The following PPARD variants were observed in gnomAD, a reference collection of about 807,000 sequenced individuals.
The protein encoded by PPARD is peroxisome proliferator activated receptor delta, also known as peroxisome proliferator-activated receptor delta.
PPARD carries 6 observed loss-of-function variants against 39.5 expected under a neutral mutation model. That is an observed-to-expected ratio of 0.15 (90% CI 0.08 to 0.30). The LOEUF is 0.30. Ranked by LOEUF, PPARD falls within the 10% of genes least tolerant of loss-of-function variation. The pLI is 1.00. For synonymous variants in PPARD, 210 were observed against 231.3 expected (o/e 0.91, Z 0.83); for missense variants, 397 against 596.8 (o/e 0.67, Z 3.49).
rs780125217 is a variant in PPARD at position 35,424,089 on chromosome 6, T to G, written c.568T>G (p.Phe190Val). The G allele has an allele frequency of 6.2e-7, 1 of 1,613,980 alleles. No individual in the cohort carries two copies. Among genetic ancestry groups the G allele is most frequent in the Admixed American group, 1.7e-5 (1 of 60,028 alleles). The change falls in exon 6 of 8, where the codon TTC becomes GTC. Residue 190 changes from phenylalanine to valine, a missense_variant. Coordinates refer to ENST00000360694, the MANE Select transcript of PPARD (RefSeq NM_006238.5). This position sits in a 1 kb window ranked among gnomAD's most constrained non-coding sequence, Gnocchi z 7.1. ...CATCTACAATGCCTACCTGAAAAAC[T>G]TCAACATGACCAAAAAGAAGGCCCG... The part of the protein sequence containing the change: ...KHIYNAYLKN[F>V]NMTKKKARSI...
intron 2 of PPARD, among the ~76,000 whole-genome samples, chr6:35,348,163 C>T (rs1027487020): frequency 5.3e-5 from 8 of 152,208 alleles, no homozygotes; most frequent in African/African-American, 1.9e-4. Flanking sequence ...CCGCCTCAGC[C>T]TCCCAGAGTG....
At chr6:35,408,259 T>G (rs1030133707) in intron 2 of PPARD, among the ~76,000 whole-genome samples, 1 of 152,252 alleles carries the variant, frequency 6.6e-6, no homozygotes, top group African/African-American at 2.4e-5. Flanking sequence ...CTGGTAGATT[T>G]CTGTTCACAT....
Position 35,381,066 on chromosome 6 carries a change from C to G in PPARD, c.-101-29921C>G, listed in dbSNP as rs545750180. Reference sequence around the variant, plus strand: ...TCTCTGCATTCTCCCCTCATCTCCTCTCTTCCGTGCACCTCATTTTCCTGC... The same window carrying G: ...TCTCTGCATTCTCCCCTCATCTCCTGTCTTCCGTGCACCTCATTTTCCTGC... On this transcript the variant is annotated intron_variant, in intron 2 of 7. Coordinates refer to ENST00000360694, the MANE Select transcript of PPARD (RefSeq NM_006238.5). Among the ~76,000 whole-genome samples the G allele has an allele frequency of 2.6e-5, 4 of 151,948 alleles. No homozygotes were observed. The South Asian group carries it at 6.2e-4, about 24-fold the overall frequency.
intron 2 of PPARD, among the ~76,000 whole-genome samples, chr6:35,354,163 C>T (rs1445882745): frequency 3.9e-5 from 5 of 128,394 alleles, no homozygotes; most frequent in Admixed American, 9.2e-5. Context: ...ACCCGGGAGG[C>T]GGAGCTTGCA....
At chr6:35,369,444 G>T (rs1762368583) in intron 2 of PPARD, among the ~76,000 whole-genome samples, 1 of 152,164 alleles carries the variant, frequency 6.6e-6, no homozygotes, top group African/African-American at 2.4e-5. Context: ...CCATTAGCGT[G>T]CATTCCCGCC....
At chr6:35,383,334 C>T (rs918889450) in intron 2 of PPARD, among the ~76,000 whole-genome samples, 2 of 152,140 alleles carry the variant, frequency 1.3e-5, no homozygotes, top group Admixed American at 6.5e-5. Context: ...ACTCAGTGCT[C>T]GGTGGTGCCC....
intron 2 of PPARD, among the ~76,000 whole-genome samples, chr6:35,374,128 A>G (rs1762649961): frequency 6.6e-6 from 1 of 152,090 alleles, no homozygotes; most frequent in Non-Finnish European, 1.5e-5. Flanking sequence ...GGCTGCACAG[A>G]CACAGGGTTT....
chr6:35,352,350 A>G (rs1021326180), intron 2 of PPARD, among the ~76,000 whole-genome samples: 3 of 151,568 alleles, frequency 2.0e-5, no homozygotes, highest in Non-Finnish European at 4.4e-5. Context: ...TGCCCGGCTA[A>G]TTTTTGTATT....
Position 35,424,593 on chromosome 6 carries a change from G to A in PPARD, c.892G>A (p.Val298Ile), listed in dbSNP as rs199911002. Reference protein sequence around the residue: ...EAIFAMLASIVNKDGLLVANG... With the variant: ...EAIFAMLASIINKDGLLVANG... ...CATCTTCGCCATGCTGGCCTCTATC[G>A]TCAACAAGGACGGGCTGCTGGTAGC... is the stretch of plus-strand genomic sequence containing the variant. Residue 298 changes from valine (V) to isoleucine (I), a missense_variant, in exon 7 of 8, where the codon GTC becomes ATC. Val to Ile is a conservative substitution (Grantham distance 29). Transcript: ENST00000360694. This position sits in a 1 kb window ranked among gnomAD's most constrained non-coding sequence, Gnocchi z 7.1. The A allele has an allele frequency of 1.6e-4, 259 of 1,614,118 alleles. No homozygotes were observed. The highest frequency in any genetic ancestry group is 2.1e-4 in the African/African-American group (16 of 74,940).
chr6:35,381,541 A>G (rs1011472265), intron 2 of PPARD, among the ~76,000 whole-genome samples: 1 of 152,180 alleles, frequency 6.6e-6, no homozygotes, highest in Non-Finnish European at 1.5e-5. Context: ...ATCATGGTCT[A>G]AGATGGCTGC....
chr6:35,425,437 C>G lies in PPARD; in HGVS notation c.1079-395C>G. 1.9e-6 allele frequency: 2 copies of G among 1,073,568 alleles called. No individual in the cohort carries two copies. Among genetic ancestry groups the G allele is most frequent in the Non-Finnish European group, 2.3e-6 (2 of 878,734 alleles). 66.5% of individuals were successfully genotyped at this position (1,073,568 alleles called of 1,614,324 possible). A position where few individuals can be genotyped will look rare whatever the true frequency, so the allele number is the denominator to read the frequency against. ...AGCTTACTTCATGCCAGGCACTGTTCTTTTCATCGATGATGACTCACTTGA... is the reference window on the plus strand; with the variant it reads ...AGCTTACTTCATGCCAGGCACTGTTGTTTTCATCGATGATGACTCACTTGA... On this transcript the variant is annotated intron_variant, in intron 7 of 7. Transcript: ENST00000360694. The surrounding 1 kb of genome is among the most constrained non-coding windows in gnomAD (Gnocchi z 4.5).
Position 35,346,711 on chromosome 6 carries a change from C to T in PPARD, c.-185-356C>T, listed in dbSNP as rs9658069. ...CAGGCTGGTGATTGGCATGTGACTC[C>T]AGTTCATTCTGCAGGGGCTTTGGTG... On this transcript the variant is annotated intron_variant, in intron 1 of 7. Transcript: ENST00000360694. Among the ~76,000 whole-genome samples, 820 of 152,300 alleles carry T rather than the reference C, an allele frequency of 5.4e-3. 2 individuals carry two copies. Among genetic ancestry groups the T allele is most frequent in the Non-Finnish European group, 8.8e-3 (598 of 68,030 alleles).
At chr6:35,402,451 C>G (rs1480585402) in intron 2 of PPARD, among the ~76,000 whole-genome samples, 1 of 152,170 alleles carries the variant, frequency 6.6e-6, no homozygotes, top group Non-Finnish European at 1.5e-5. Context: ...ACACCCAAGG[C>G]CCCCTTCTGT....
At chr6:35,421,792 CT>C in intron 4 of PPARD, 27 bp from the exon 5 acceptor site, 1 of 1,581,784 alleles carries the variant, frequency 6.3e-7, no homozygotes, top group South Asian at 1.1e-5. Context: ...TCCTGGTGGC[CT>C]TTCCTCACCT....
chr6:35,360,564 C>G (rs1292800576), intron 2 of PPARD, among the ~76,000 whole-genome samples: 1 of 152,180 alleles, frequency 6.6e-6, no homozygotes, highest in Non-Finnish European at 1.5e-5. Flanking sequence ...TTCAGTAGCC[C>G]TGCTGTTCTT....
intron 2 of PPARD, among the ~76,000 whole-genome samples, chr6:35,377,679 T>C (rs1762889295): frequency 6.6e-6 from 1 of 152,114 alleles, no homozygotes; most frequent in Non-Finnish European, 1.5e-5. Context: ...GTTGGCTGCC[T>C]CTGTGGTTGC....
At chr6:35,375,950 G>T (rs1192151474) in intron 2 of PPARD, among the ~76,000 whole-genome samples, 3 of 152,154 alleles carry the variant, frequency 2.0e-5, no homozygotes, top group African/African-American at 7.2e-5. Flanking sequence ...ATGAACATGA[G>T]TATTCTCTTT....
intron 3 of PPARD, among the ~76,000 whole-genome samples, chr6:35,417,588 G>A (rs186815427): frequency 4.0e-5 from 6 of 149,348 alleles, no homozygotes; most frequent in African/African-American, 1.5e-4. Flanking sequence ...GCAATGGCGC[G>A]ATCTCAGCTC....
chr6:35,406,326 A>G (rs951739376), intron 2 of PPARD, among the ~76,000 whole-genome samples: 1 of 152,206 alleles, frequency 6.6e-6, no homozygotes, highest in Non-Finnish European at 1.5e-5. Flanking sequence ...GAGAAAATCT[A>G]GACAGTGGGC....
Sources: allele counts gnomAD v4.1 joint callset (sites outside exome capture counted in the v4.1 genomes callset), GRCh38; gene constraint gnomAD v4.1.1; non-coding constraint Gnocchi (gnomAD v3.1); transcripts MANE v1.5; gene names NCBI Gene and HGNC (gene_info 2026-07-23, HGNC 2026-07-21).